MYLK: variants seen among roughly 807,000 people sequenced by gnomAD.
The protein encoded by MYLK is myosin light chain kinase, smooth muscle.
MYLK carries 106 observed loss-of-function variants against 203.4 expected under a neutral mutation model. The ratio of observed to expected loss-of-function variants is 0.52; its 90% CI spans 0.45 to 0.61. The LOEUF (loss-of-function observed/expected upper bound fraction) is 0.61, where lower values mean the gene tolerates loss of function less well. Ranked by LOEUF, MYLK falls within the 20% of genes least tolerant of loss-of-function variation. The pLI is 0.00. For synonymous variants in MYLK, 867 were observed against 959.5 expected, an observed-to-expected ratio of 0.90 and a Z score of 1.78; for missense variants, 2,072 against 2,442.3, an observed-to-expected ratio of 0.85 and a Z score of 3.20.
rs111468357 is a variant in MYLK at position 123,868,587 on chromosome 3, T to C, written c.-127+7972A>G. 2.9e-3 allele frequency among the ~76,000 whole-genome samples: 436 copies of C among 152,248 alleles called. 1 individual carries two copies. Among genetic ancestry groups the C allele is most frequent in the African/African-American group, 0.01 (420 of 41,546 alleles). On this transcript the variant is annotated intron_variant, in intron 2 of 33. Transcript: ENST00000360304. ...AATAAACTTGTTCAAGGTCATACAGTGAGGAAGTAGCAAGTGAGCACTAAT... is the reference window on the plus strand; with the variant it reads ...AATAAACTTGTTCAAGGTCATACAGCGAGGAAGTAGCAAGTGAGCACTAAT...
intron 13 of MYLK, among the ~76,000 whole-genome samples, chr3:123,710,538 C>A (rs1237041106): frequency 6.6e-6 from 1 of 152,172 alleles, no homozygotes; most frequent in African/African-American, 2.4e-5. Flanking sequence ...AAAGACACTA[C>A]ACTCATTAGA....
At chr3:123,839,886 C>G (rs1009532531) in intron 2 of MYLK, among the ~76,000 whole-genome samples, 4 of 152,046 alleles carry the variant, frequency 2.6e-5, no homozygotes, top group Non-Finnish European at 5.9e-5. Context: ...AACTTAGTAA[C>G]AGGAAGGTAT....
At chr3:123,867,549 C>T (rs138067672) in intron 2 of MYLK, among the ~76,000 whole-genome samples, 4 of 151,988 alleles carry the variant, frequency 2.6e-5, no homozygotes, top group Middle Eastern at 3.4e-3. Flanking sequence ...GATGCAGAGA[C>T]TGGAGTGATA....
At chr3:123,862,096 A>G (rs1206760146) in intron 2 of MYLK, among the ~76,000 whole-genome samples, 3 of 152,242 alleles carry the variant, frequency 2.0e-5, no homozygotes, top group Non-Finnish European at 2.9e-5. Flanking sequence ...CTCTAAGGCC[A>G]TGCTGGCTCA....
intron 19 of MYLK, among the ~76,000 whole-genome samples, chr3:123,684,640 A>G (rs2108472704): frequency 6.6e-6 from 1 of 152,046 alleles, no homozygotes; most frequent in Non-Finnish European, 1.5e-5. Flanking sequence ...TCTGCCTCCC[A>G]GGTTCAAGTG....
chr3:123,687,570 CCCTTCCTTCCTTCCTTTCTT>C (rs1019434592), intron 19 of MYLK, among the ~76,000 whole-genome samples: 2 of 150,832 alleles, frequency 1.3e-5, no homozygotes, highest in Non-Finnish European at 2.9e-5. Context: ...CAGCACCTGA[CCCTTCCTTCCTTCCTTTCTT>C]CCTTCCTTCC....
chr3:123,882,003 G>A (rs1438391939), intron 1 of MYLK, among the ~76,000 whole-genome samples: 1 of 152,192 alleles, frequency 6.6e-6, no homozygotes, highest in Non-Finnish European at 1.5e-5. Context: ...AGCAGGTGGG[G>A]CCACCTGGCC....
Position 123,737,679 on chromosome 3 carries a change from T to C in MYLK, c.589-136A>G. On this transcript the variant is annotated intron_variant, in intron 7 of 33. Transcript: ENST00000360304. ...CGTCCTCTGCTGTGGGCCCTGTCAA[T>C]GTGCTCAGAGAGCCAACTTTAAACA... The C allele has an allele frequency of 3.4e-6, 4 of 1,193,256 alleles. No homozygotes were observed. The South Asian group carries it at 5.0e-5, about 15-fold the overall frequency. The allele number at this position is 1,193,256 out of a possible 1,614,324, so 73.9% of individuals were successfully genotyped here.
chr3:123,743,552 G>C (rs2062923814), intron 5 of MYLK, among the ~76,000 whole-genome samples: 1 of 152,164 alleles, frequency 6.6e-6, no homozygotes, highest in South Asian at 2.1e-4. Flanking sequence ...AGAAAAATAA[G>C]TGGAAAGGGG....
intron 3 of MYLK, among the ~76,000 whole-genome samples, chr3:123,796,437 T>G (rs1241839151): frequency 3.3e-5 from 5 of 152,110 alleles, no homozygotes; most frequent in African/African-American, 7.2e-5. Flanking sequence ...AAAGGAAAAG[T>G]AAAAGTTGGG....
intron 3 of MYLK, among the ~76,000 whole-genome samples, chr3:123,830,802 C>T (rs1177911445): frequency 6.6e-6 from 1 of 152,198 alleles, no homozygotes; most frequent in Non-Finnish European, 1.5e-5. Context: ...TTCCTCACTG[C>T]TAAAGCTGCA....
chr3:123,764,748 C>T (rs188204873), intron 4 of MYLK, among the ~76,000 whole-genome samples: 6 of 152,258 alleles, frequency 3.9e-5, no homozygotes, highest in South Asian at 2.1e-4. Context: ...AGCGGGGAAC[C>T]GGGGCCTCAC....
At position 123,648,304 on chromosome 3, in the gene MYLK, G is replaced by A. The variant is rs1156895169; in HGVS notation, c.4415+667C>T. Among the ~76,000 whole-genome samples the A allele has an allele frequency of 2.0e-5, 3 of 152,148 alleles. No homozygotes were observed. Among genetic ancestry groups the A allele is most frequent in the Admixed American group, 6.5e-5 (1 of 15,278 alleles). ...AGGGAGAAGCCAGAGTAAGCAGTGC[G>A]AGCCAAGTTCATGAGGGAGCTTGAT... On this transcript the variant is annotated intron_variant, in intron 26 of 33. Coordinates refer to ENST00000360304, the MANE Select transcript of MYLK (RefSeq NM_053025.4). The surrounding 1 kb of genome is among the most constrained non-coding windows in gnomAD (Gnocchi z 4.5).
intron 4 of MYLK, among the ~76,000 whole-genome samples, chr3:123,769,664 C>A (rs78567203): frequency 6.6e-6 from 1 of 152,172 alleles, no homozygotes; most frequent in Non-Finnish European, 1.5e-5. Flanking sequence ...GGCCTCATCA[C>A]GGCTTATAAT....
intron 19 of MYLK, among the ~76,000 whole-genome samples, chr3:123,686,725 A>G (rs903861301): frequency 6.6e-6 from 1 of 152,122 alleles, no homozygotes; most frequent in Non-Finnish European, 1.5e-5. Context: ...TCAATAGAAG[A>G]GTGAGGGAGG....
chr3:123,725,179 T>A (rs1014570403), intron 12 of MYLK, among the ~76,000 whole-genome samples: 4 of 152,158 alleles, frequency 2.6e-5, no homozygotes, highest in African/African-American at 9.7e-5. Context: ...ACCCGACCAC[T>A]CAGTGGTGGA....
intron 22 of MYLK, among the ~76,000 whole-genome samples, chr3:123,665,989 C>T (rs891198061): frequency 5.3e-5 from 8 of 152,186 alleles, no homozygotes; most frequent in African/African-American, 1.9e-4. Context: ...CCTCACACTT[C>T]TATTACACAA....
At chr3:123,718,538 G>A (rs1410566118) in intron 13 of MYLK, among the ~76,000 whole-genome samples, 1 of 152,200 alleles carries the variant, frequency 6.6e-6, no homozygotes, top group Non-Finnish European at 1.5e-5. Flanking sequence ...TGCAGCCACA[G>A]AGGCTGCTGT....
chr3:123,754,312 T>A (rs1475920027), intron 4 of MYLK, among the ~76,000 whole-genome samples: 1 of 152,212 alleles, frequency 6.6e-6, no homozygotes, highest in African/African-American at 2.4e-5. Context: ...CTCACAAGAC[T>A]GCCTTTCTGT....
Sources: allele counts gnomAD v4.1 joint callset (sites outside exome capture counted in the v4.1 genomes callset), GRCh38; gene constraint gnomAD v4.1.1; non-coding constraint Gnocchi (gnomAD v3.1); transcripts MANE v1.5; gene names NCBI Gene and HGNC (gene_info 2026-07-23, HGNC 2026-07-21).